Variants in MKLN1 observed in about 807,000 individuals in gnomAD.
MKLN1 encodes the protein muskelin.
MKLN1 carries 18 observed loss-of-function variants against 99.0 expected under a neutral mutation model. That is an observed-to-expected ratio of 0.18 (90% CI 0.13 to 0.27). MKLN1 has a LOEUF of 0.27. Among genes scored for constraint, MKLN1 ranks in the 10% least tolerant of loss-of-function variants. The pLI is 1.00. For synonymous variants in MKLN1, 288 were observed against 293.2 expected, an observed-to-expected ratio of 0.98 and a Z score of 0.18; for missense variants, 621 against 875.9, an observed-to-expected ratio of 0.71 and a Z score of 3.67.
chr7:131,271,744 A>G (rs1205829574), intron 3 of MKLN1, among the ~76,000 whole-genome samples: 1 of 151,758 alleles, frequency 6.6e-6, no homozygotes, highest in Non-Finnish European at 1.5e-5. Flanking sequence ...CCCCATCTCT[A>G]CTAAAAATAC....
chr7:131,165,903 C>G (rs1796116014), intron 2 of MKLN1, among the ~76,000 whole-genome samples: 1 of 152,034 alleles, frequency 6.6e-6, no homozygotes, highest in Non-Finnish European at 1.5e-5. Flanking sequence ...TCGCTTGAGC[C>G]CAGGAATTCG....
At chr7:131,431,069 G>A (rs1395504433) in intron 9 of MKLN1, among the ~76,000 whole-genome samples, 1 of 151,908 alleles carries the variant, frequency 6.6e-6, no homozygotes, top group African/African-American at 2.4e-5. Context: ...ACTAAAAATA[G>A]AAACTAGCTG....
At chr7:131,242,965 G>A in intron 3 of MKLN1, 1 of 638,608 alleles carries the variant, frequency 1.6e-6, no homozygotes. Context: ...TACAAGACAG[G>A]CAAGAACAAG....
At position 131,489,584 on chromosome 7, in the gene MKLN1, A is replaced by G. The variant is rs1797372657; in HGVS notation, c.*1856A>G. On this transcript the variant is annotated 3_prime_UTR_variant, in exon 18 of 18. Coordinates refer to ENST00000352689, the MANE Select transcript of MKLN1 (RefSeq NM_013255.5). ...CAGAAGATTGACAAGGAAGAACTTG[A>G]GCTTGCTAAATAAGACTTCCTAAAT... 6.6e-6 allele frequency: 1 copy of G among 152,160 alleles called. No individual in the cohort carries two copies. Among genetic ancestry groups the G allele is most frequent in the African/African-American group, 2.4e-5 (1 of 41,460 alleles). The allele number at this position is 152,160 out of a possible 1,614,324, so 9.4% of individuals were successfully genotyped here.
chr7:131,380,340 TTAAAA>T (rs1048620240), intron 2 of MKLN1, among the ~76,000 whole-genome samples: 24 of 152,238 alleles, frequency 1.6e-4, no homozygotes, highest in African/African-American at 5.5e-4. Flanking sequence ...GATACAAGTC[TTAAAA>T]TAAGTGCCCT....
intron 13 of MKLN1, among the ~76,000 whole-genome samples, chr7:131,463,739 T>C (rs1337497035): frequency 6.6e-6 from 1 of 152,190 alleles, no homozygotes; most frequent in Non-Finnish European, 1.5e-5. Flanking sequence ...TTACTTAGCA[T>C]TTCCAAACCA....
intron 9 of MKLN1, among the ~76,000 whole-genome samples, chr7:131,429,834 C>A (rs1439471782): frequency 2.6e-5 from 4 of 152,204 alleles, no homozygotes; most frequent in African/African-American, 9.6e-5. Flanking sequence ...CCCGCCTCGG[C>A]CTCCCAAAGT....
chr7:131,475,122 T>C (rs984281060), intron 16 of MKLN1, among the ~76,000 whole-genome samples: 2 of 151,906 alleles, frequency 1.3e-5, no homozygotes, highest in Non-Finnish European at 2.9e-5. Flanking sequence ...ATCCAAACTA[T>C]ATCACCAAGA....
chr7:131,398,466 G>A (rs1794425914), intron 5 of MKLN1, among the ~76,000 whole-genome samples: 1 of 152,010 alleles, frequency 6.6e-6, no homozygotes, highest in South Asian at 2.1e-4. Flanking sequence ...GACCAAAGTG[G>A]GCAGATTGCC....
intron 3 of MKLN1, among the ~76,000 whole-genome samples, chr7:131,217,723 A>G (rs1226010532): frequency 6.6e-6 from 1 of 152,156 alleles, no homozygotes; most frequent in African/African-American, 2.4e-5. Context: ...ACAAAATATG[A>G]TGGGATAGGC....
In MKLN1 at chr7:131,327,982, C is replaced by T. The variant is rs1386477722; in HGVS notation, c.83C>T (p.Ser28Phe). The part of the protein sequence containing the change: ...YALHKWSSFS[S>F]TYLPENILVD... Reference sequence around the variant, plus strand: ...CTACACAAGTGGAGCTCCTTTTCCTCCACCTACCTTCCCGAGTAAGTGCCG... The same window carrying T: ...CTACACAAGTGGAGCTCCTTTTCCTTCACCTACCTTCCCGAGTAAGTGCCG... Residue 28 changes from serine (S) to phenylalanine (F), a missense_variant, in exon 1 of 18, where the codon TCC (serine) becomes TTC (phenylalanine). Around this residue, in one of 8 missense-constraint regions of MKLN1, gnomAD observed 58 missense variants for 40.0 expected, o/e 1.45. Coordinates refer to ENST00000352689, the MANE Select transcript of MKLN1 (RefSeq NM_013255.5). 6.2e-7 allele frequency: 1 copy of T among 1,613,904 alleles called. No homozygotes were observed. The highest frequency in any genetic ancestry group is 1.7e-5 in the Admixed American group (1 of 60,018).
intron 3 of MKLN1, among the ~76,000 whole-genome samples, chr7:131,284,837 G>A (rs927777626): frequency 2.6e-5 from 4 of 152,216 alleles, no homozygotes; most frequent in Non-Finnish European, 5.9e-5. Flanking sequence ...AATCTGAGAA[G>A]CAAGTGAGGG....
chr7:131,133,819 G>GTTTTTTTTTTTTTTTT (rs1563226557), intron 1 of MKLN1, among the ~76,000 whole-genome samples: 3 of 67,236 alleles, frequency 4.5e-5, no homozygotes, highest in Non-Finnish European at 9.3e-5. Flanking sequence ...TTTTTAATTT[G>GTTTTTTTTTTTTTTTT]GTTTTTTTTT....
At chr7:131,316,012 G>C (rs191621203) in intron 3 of MKLN1, among the ~76,000 whole-genome samples, 1 of 152,318 alleles carries the variant, frequency 6.6e-6, no homozygotes, top group African/African-American at 2.4e-5. Flanking sequence ...TTTCCTGCCT[G>C]CTGGCTCTGA....
At chr7:131,373,555 T>C (rs1033688564) in intron 1 of MKLN1, among the ~76,000 whole-genome samples, 2 of 152,158 alleles carry the variant, frequency 1.3e-5, no homozygotes, top group Admixed American at 1.3e-4. Flanking sequence ...AGTCTCTTTA[T>C]TTGTGTTGGT....
intron 2 of MKLN1, among the ~76,000 whole-genome samples, chr7:131,173,930 G>C (rs2580812): frequency 0.38 from 55,890 of 148,216 alleles, 10,803 homozygotes; most frequent in East Asian, 0.63. Context: ...TGAGTTTTCA[G>C]TTTTCACTTT....
intron 2 of MKLN1, among the ~76,000 whole-genome samples, chr7:131,156,054 G>A (rs946969186): frequency 6.6e-6 from 1 of 152,072 alleles, no homozygotes; most frequent in Non-Finnish European, 1.5e-5. Context: ...TAAATTATGG[G>A]TTTTCCAATA....
At chr7:131,317,012 G>GAA (rs1798680806) in intron 3 of MKLN1, among the ~76,000 whole-genome samples, 1 of 152,108 alleles carries the variant, frequency 6.6e-6, no homozygotes, top group Non-Finnish European at 1.5e-5. Context: ...GGGGAGAATG[G>GAA]AACCAAGTTG....
chr7:131,426,427 C>T (rs1016976400), intron 8 of MKLN1, among the ~76,000 whole-genome samples: 5 of 152,034 alleles, frequency 3.3e-5, no homozygotes, highest in Admixed American at 6.5e-5. Flanking sequence ...AATTTTTAAG[C>T]CAGATGAAAA....
Sources: allele counts gnomAD v4.1 joint callset (sites outside exome capture counted in the v4.1 genomes callset), GRCh38; gene constraint gnomAD v4.1.1; regional missense constraint gnomAD v4.1.1; transcripts MANE v1.5; gene names NCBI Gene and HGNC (gene_info 2026-07-23, HGNC 2026-07-21).